The following TDRD7 variants were observed in gnomAD, a reference collection of about 807,000 sequenced individuals.
The protein encoded by TDRD7 is tudor domain-containing protein 7.
Under a neutral mutation model 109.8 loss-of-function variants are expected in TDRD7, and 47 were observed. The ratio of observed to expected loss-of-function variants is 0.43; its 90% CI spans 0.34 to 0.55. The LOEUF (loss-of-function observed/expected upper bound fraction) is 0.55, where lower values mean the gene tolerates loss of function less well. Ranked by LOEUF, TDRD7 falls within the 20% of genes least tolerant of loss-of-function variation. The pLI is 0.03. For synonymous variants in TDRD7, 424 were observed against 457.3 expected, an observed-to-expected ratio of 0.93 and a Z score of 0.93; for missense variants, 1,164 against 1,319.2, an observed-to-expected ratio of 0.88 and a Z score of 1.82.
rs368672266 is a variant in TDRD7, at chr9:97,441,726, G to A, written c.706G>A (p.Glu236Lys). ...TGCCTCTTACACTTATAAAATGGATGAGGTTCAAAATCGCATAAAGGAAAT... is the reference window on the plus strand; with the variant it reads ...TGCCTCTTACACTTATAAAATGGATAAGGTTCAAAATCGCATAAAGGAAAT... Reference protein sequence around the residue: ...PPASYTYKMDEVQNRIKEILN... With the variant: ...PPASYTYKMDKVQNRIKEILN... Residue 236 changes from glutamate to lysine, a missense_variant, in exon 6 of 17, where the codon GAG becomes AAG. Glu to Lys is a moderately conservative substitution (Grantham distance 56, BLOSUM62 1). Transcript: ENST00000355295. 1.9e-6 allele frequency: 3 copies of A among 1,613,572 alleles called. No individual in the cohort carries two copies.
chr9:97,469,639 C>G lies in TDRD7; in HGVS notation c.1630-919C>G, dbSNP rs145651772. Among the ~76,000 whole-genome samples, 6 of 152,302 alleles carry G rather than the reference C, an allele frequency of 3.9e-5. No homozygotes were observed. The East Asian group carries it at 1.2e-3, about 29-fold the overall frequency. On this transcript the variant is annotated intron_variant, in intron 8 of 16. Transcript: ENST00000355295. Reference sequence around the variant, plus strand: ...GTTGTTTTGTTTGCTTTGTTTCTTTCAATAACCATCATCTCCTTTAATTAG... The same window carrying G: ...GTTGTTTTGTTTGCTTTGTTTCTTTGAATAACCATCATCTCCTTTAATTAG...
intron 6 of TDRD7, among the ~76,000 whole-genome samples, chr9:97,459,431 G>A (rs912009345): frequency 1.9e-4 from 29 of 152,106 alleles, no homozygotes; most frequent in African/African-American, 6.5e-4. Context: ...TAGTAGTAGA[G>A]CTGACCTCTG....
chr9:97,473,450 T>G (rs746408616), intron 10 of TDRD7, 42 bp from the exon 11 acceptor site: 1 of 1,612,788 alleles, frequency 6.2e-7, no homozygotes, highest in Non-Finnish European at 8.5e-7. Flanking sequence ...AGAGCTGCAT[T>G]CTGCTCTCAA....
intron 2 of TDRD7, among the ~76,000 whole-genome samples, chr9:97,430,502 T>C (rs1366530464): frequency 6.6e-6 from 1 of 152,236 alleles, no homozygotes; most frequent in Non-Finnish European, 1.5e-5. Context: ...GTACATACTT[T>C]GGACTCAAAG....
chr9:97,455,581 T>C (rs1426322456), intron 6 of TDRD7, among the ~76,000 whole-genome samples: 2 of 152,202 alleles, frequency 1.3e-5, no homozygotes, highest in Non-Finnish European at 2.9e-5. Flanking sequence ...AACCACATGA[T>C]TATCTCAATA....
intron 16 of TDRD7, among the ~76,000 whole-genome samples, chr9:97,488,782 A>G (rs1168080652): frequency 6.6e-6 from 1 of 152,146 alleles, no homozygotes; most frequent in Non-Finnish European, 1.5e-5. Context: ...CCTGTTTAAT[A>G]TATGCATTCG....
chr9:97,460,609 G>A lies in TDRD7; in HGVS notation c.1287G>A (p.Met429Ile). Residue 429 changes from methionine to isoleucine, a missense_variant, in exon 7 of 17, where the codon ATG (methionine) becomes ATA (isoleucine). Transcript: ENST00000355295. ...QAHGDNDIKAMVEQEYLQVEE... is the reference protein window; with the variant it reads ...QAHGDNDIKAIVEQEYLQVEE... Reference sequence around the variant, plus strand: ...ATGGTGATAATGATATCAAGGCTATGGTTGAACAAGAGTATTTGCAGGTAG... The same window carrying A: ...ATGGTGATAATGATATCAAGGCTATAGTTGAACAAGAGTATTTGCAGGTAG... The A allele has an allele frequency of 5.6e-6, 9 of 1,614,184 alleles. No homozygotes were observed. Among genetic ancestry groups the A allele is most frequent in the Non-Finnish European group, 7.6e-6 (9 of 1,180,040 alleles).
intron 6 of TDRD7, among the ~76,000 whole-genome samples, chr9:97,442,773 T>C (rs1828331976): frequency 6.6e-6 from 1 of 152,064 alleles, no homozygotes; most frequent in South Asian, 2.1e-4. Flanking sequence ...TATAAGCACC[T>C]GGCCTAAAGA....
intron 6 of TDRD7, among the ~76,000 whole-genome samples, chr9:97,450,281 C>T (rs1828468487): frequency 1.3e-5 from 2 of 152,072 alleles, no homozygotes; most frequent in South Asian, 4.1e-4. Flanking sequence ...TACAGAGCCA[C>T]AAAACAAAGA....
At position 97,460,304 on chromosome 9, in the gene TDRD7, C is replaced by T. The variant is rs1564205967; in HGVS notation, c.982C>T (p.Pro328Ser). 5.0e-6 allele frequency: 8 copies of T among 1,614,160 alleles called. No homozygotes were observed. The highest frequency in any genetic ancestry group is 6.8e-6 in the Non-Finnish European group (8 of 1,180,026). Residue 328 changes from proline to serine, a missense_variant, in exon 7 of 17, where the codon CCA becomes TCA. By Grantham distance (74) the Pro-to-Ser change is moderately conservative. Coordinates refer to ENST00000355295, the MANE Select transcript of TDRD7 (RefSeq NM_014290.3). ...CCCACTACCTGGTCCCAAACAAACA[C>T]CACCGTTGAAAGGGTGTCCAACAGT... Reference protein sequence around the residue: ...LSPLPGPKQTPPLKGCPTVMA... With the variant: ...LSPLPGPKQTSPLKGCPTVMA...
intron 6 of TDRD7, among the ~76,000 whole-genome samples, chr9:97,457,703 A>G (rs1475556975): frequency 6.6e-6 from 1 of 152,148 alleles, no homozygotes; most frequent in East Asian, 1.9e-4. Flanking sequence ...TTGCAGTGCT[A>G]TTTACAATAG....
In TDRD7 at chr9:97,478,448, G is replaced by A; in HGVS notation, c.2176G>A (p.Val726Ile). The A allele has an allele frequency of 6.2e-7, 1 of 1,613,948 alleles. No individual in the cohort carries two copies. The highest frequency in any genetic ancestry group is 1.1e-5 in the South Asian group (1 of 91,078). Residue 726 changes from valine to isoleucine, a missense_variant, in exon 13 of 17, where the codon GTT (valine) becomes ATT (isoleucine). Transcript: ENST00000355295. ...ACTTATCTCATTTCAGATCACAAAT[G>A]TTCACAGCAGCCGGGCTCTTGATGT... ...GKWLRVEITN[V>I]HSSRALDVQF...
chr9:97,424,049 C>CTTT (rs56369544), intron 1 of TDRD7, among the ~76,000 whole-genome samples: 32 of 48,840 alleles, frequency 6.6e-4, no homozygotes, highest in Middle Eastern at 0.017. Flanking sequence ...CTTTTATATT[C>CTTT]TTTTTTTTTT....
intron 1 of TDRD7, among the ~76,000 whole-genome samples, chr9:97,413,782 GAGGCAGC>G (rs1167095249): frequency 6.6e-6 from 1 of 152,232 alleles, no homozygotes; most frequent in East Asian, 1.9e-4. Flanking sequence ...GTGAGACTGT[GAGGCAGC>G]AGTTGGCAGT....
chr9:97,471,061 G>A (rs771519596), intron 9 of TDRD7, among the ~76,000 whole-genome samples: 7 of 152,066 alleles, frequency 4.6e-5, no homozygotes, highest in Non-Finnish European at 7.4e-5. Context: ...TGCTGTGAGG[G>A]TGTGACTGAC....
chr9:97,460,065 C>T (rs1254213440), intron 6 of TDRD7, 113 bp from the exon 7 acceptor site: 23 of 902,882 alleles, frequency 2.5e-5, no homozygotes, highest in Admixed American at 5.9e-5. Flanking sequence ...GTAAATCGTA[C>T]ACTTGATTAA....
chr9:97,420,826 T>G (rs565026875), intron 1 of TDRD7, among the ~76,000 whole-genome samples: 5 of 152,334 alleles, frequency 3.3e-5, no homozygotes, highest in South Asian at 2.1e-4. Context: ...AAGTGTATAC[T>G]TTACTTTGTA....
intron 16 of TDRD7, among the ~76,000 whole-genome samples, chr9:97,493,081 G>A (rs1220220031): frequency 6.6e-6 from 1 of 152,096 alleles, no homozygotes; most frequent in Non-Finnish European, 1.5e-5. Context: ...GGAATGCCCT[G>A]AGTGTTTAAA....
At chr9:97,419,238 G>A (rs1462736501) in intron 1 of TDRD7, among the ~76,000 whole-genome samples, 1 of 152,222 alleles carries the variant, frequency 6.6e-6, no homozygotes, top group African/African-American at 2.4e-5. Context: ...GAGGGATTGG[G>A]TTTTGAAGGG....
Sources: allele counts gnomAD v4.1 joint callset (sites outside exome capture counted in the v4.1 genomes callset), GRCh38; gene constraint gnomAD v4.1.1; transcripts MANE v1.5; gene names NCBI Gene and HGNC (gene_info 2026-07-23, HGNC 2026-07-21).